FHL3: variants seen among roughly 807,000 people sequenced by gnomAD.
The protein encoded by FHL3 is four and a half LIM domains protein 3.
In FHL3, 21 loss-of-function variants were observed where a neutral mutation model predicts 34.3. The ratio of observed to expected loss-of-function variants is 0.61; its 90% confidence interval spans 0.43 to 0.88. The LOEUF (loss-of-function observed/expected upper bound fraction) is 0.88, where lower values mean the gene tolerates loss of function less well. Ranked by LOEUF, FHL3 falls within the 40% of genes least tolerant of loss-of-function variation. The pLI, the probability that FHL3 is intolerant of heterozygous loss-of-function variation, is 0.00. For synonymous variants in FHL3, 137 were observed against 144.6 expected, an observed-to-expected ratio of 0.95 and a Z score of 0.38; for missense variants, 333 against 373.7, an observed-to-expected ratio of 0.89 and a Z score of 0.90.
chr1:37,998,737 C>T, intron 3 of FHL3: 5 of 548,678 alleles, frequency 9.1e-6, no homozygotes, highest in Non-Finnish European at 1.6e-5. Flanking sequence ...CTGTACTAAA[C>T]ATGCAGATAT....
At chr1:38,001,798 T>C (rs1248616309) in intron 1 of FHL3, among the ~76,000 whole-genome samples, 3 of 152,176 alleles carry the variant, frequency 2.0e-5, no homozygotes, top group Non-Finnish European at 4.4e-5. Flanking sequence ...ACTGCGTAAC[T>C]GGCTATGGTG....
intron 3 of FHL3, among the ~76,000 whole-genome samples, 185 bp from the exon 4 acceptor site, chr1:37,998,317 T>G (rs1305808368): frequency 6.6e-6 from 1 of 152,020 alleles, no homozygotes; most frequent in African/African-American, 2.4e-5. Context: ...ACACCGGACA[T>G]GATGACCCAG....
At position 37,996,826 on chromosome 1, in the gene FHL3, C is replaced by T. The variant is rs1256601094; in HGVS notation, c.*579G>A. On this transcript the variant is annotated 3_prime_UTR_variant, in exon 6 of 6. Transcript: ENST00000373016. ...AGGGGGATGAGCCAATCTCACCCCTCTGCCCATCTATGGGCAAAATGGAGC... is the reference window on the plus strand; with the variant it reads ...AGGGGGATGAGCCAATCTCACCCCTTTGCCCATCTATGGGCAAAATGGAGC... 6.5e-6 allele frequency: 1 copy of T among 153,798 alleles called. No individual in the cohort carries two copies. The highest frequency in any genetic ancestry group is 1.5e-5 in the Non-Finnish European group (1 of 68,944). The allele number at this position is 153,798 out of a possible 1,614,324, so 9.5% of individuals were successfully genotyped here.
rs1000649837 is a variant in FHL3, at chr1:37,997,564, A to C, written c.689-5T>G. 1 of 1,613,208 alleles carries C rather than the reference A, an allele frequency of 6.2e-7. No homozygotes were observed. The highest frequency in any genetic ancestry group is 2.2e-5 in the East Asian group (1 of 44,840). On this transcript the variant is annotated splice_region_variant and splice_polypyrimidine_tract_variant and intron_variant, in intron 5 of 5. Coordinates refer to ENST00000373016, the MANE Select transcript of FHL3 (RefSeq NM_004468.5). This position sits in a 1 kb window ranked among gnomAD's most constrained non-coding sequence, Gnocchi z 4.3. ...CATACTTGCCTCCACCGAGTCCTGG[A>C]GGGAGGCTGGAAGTTAGCTATGCAG... is the stretch of plus-strand genomic sequence containing the variant.
Position 37,997,226 on chromosome 1 carries a change from T to A in FHL3, c.*179A>T, listed in dbSNP as rs4274021. On this transcript the variant is annotated 3_prime_UTR_variant, in exon 6 of 6. Transcript: ENST00000373016. The surrounding 1 kb of genome is among the most constrained non-coding windows in gnomAD (Gnocchi z 4.3). ...CATGGAGGCTCTGTAAGAGCCCAGG[T>A]TTGGGGCCCTGGGTCAGGGAGTACC... 621,501 of 653,198 alleles carry A rather than the reference T, an allele frequency of 0.95. 296,075 individuals carry two copies. Among genetic ancestry groups the A allele is most frequent in the East Asian group, 1 (37,124 of 37,154 alleles). 40.5% of individuals were successfully genotyped at this position (653,198 alleles called of 1,614,324 possible). A position where few individuals can be genotyped will look rare whatever the true frequency, so the allele number is the denominator to read the frequency against.
intron 3 of FHL3, 44 bp downstream of exon 3, chr1:37,998,930 C>T (rs537989468): frequency 2.8e-5 from 44 of 1,593,022 alleles, no homozygotes; most frequent in Middle Eastern, 3.3e-4. Flanking sequence ...AAAGACCCTA[C>T]GCAGATGCCA....
chr1:38,004,002 C>G (rs1234034292), intron 1 of FHL3, among the ~76,000 whole-genome samples: 1 of 152,060 alleles, frequency 6.6e-6, no homozygotes, highest in Non-Finnish European at 1.5e-5. Context: ...CCAGGTCCCA[C>G]AGCTGTGAGT....
chr1:38,001,890 T>C (rs1646599193), intron 1 of FHL3, among the ~76,000 whole-genome samples: 1 of 152,202 alleles, frequency 6.6e-6, no homozygotes, highest in South Asian at 2.1e-4. Context: ...TCCCTAAGCC[T>C]GTTTTCCCAT....
In FHL3 at chr1:37,997,468, G is replaced by C. The variant is rs1646545900; in HGVS notation, c.780C>G (p.Gly260=). 1 of 1,614,078 alleles carries C rather than the reference G, an allele frequency of 6.2e-7. No individual in the cohort carries two copies. The highest frequency in any genetic ancestry group is 2.2e-5 in the East Asian group (1 of 44,864). ...GGTCTCCATCCGGTACGAAGCCCTG[G>C]CCCACCAGGGAGGTAGAGCAGCGGG... ...SCARCSTSLV[G]QGFVPDGDQV... is the part of the protein sequence containing the mutation. Residue 260 remains glycine (G), a synonymous_variant, in exon 6 of 6, where the codon GGC becomes GGG. Transcript: ENST00000373016. The surrounding 1 kb of genome is among the most constrained non-coding windows in gnomAD (Gnocchi z 4.3).
At chr1:38,002,514 A>G (rs145155386) in intron 1 of FHL3, among the ~76,000 whole-genome samples, 1 of 149,704 alleles carries the variant, frequency 6.7e-6, no homozygotes, top group Non-Finnish European at 1.5e-5. Flanking sequence ...GATTACAGGC[A>G]TGAGCCACAG....
Position 37,997,274 on chromosome 1 carries a change from G to T in FHL3, c.*131C>A. On this transcript the variant is annotated 3_prime_UTR_variant, in exon 6 of 6. Transcript: ENST00000373016. This position sits in a 1 kb window ranked among gnomAD's most constrained non-coding sequence, Gnocchi z 4.3. ...ACCAGTTTGGGGATGCTGGAGTGGG[G>T]AGACAATCCTGGAGCCCAGAAGGAG... 1 of 956,314 alleles carries T rather than the reference G, an allele frequency of 1.0e-6. No individual in the cohort carries two copies. Among genetic ancestry groups the T allele is most frequent in the Non-Finnish European group, 1.6e-6 (1 of 635,678 alleles). The allele number at this position is 956,314 out of a possible 1,614,324, so 59.2% of individuals were successfully genotyped here.
At chr1:38,003,057 C>T (rs1262393717) in intron 1 of FHL3, among the ~76,000 whole-genome samples, 4 of 151,976 alleles carry the variant, frequency 2.6e-5, no homozygotes, top group South Asian at 2.1e-4. Flanking sequence ...ACTCAGGAGG[C>T]TGAGGCAGGA....
chr1:38,002,363 G>C (rs570834291), intron 1 of FHL3, among the ~76,000 whole-genome samples: 2 of 149,810 alleles, frequency 1.3e-5, no homozygotes, highest in African/African-American at 4.8e-5. Context: ...CTCCCAAAGT[G>C]CTGGGATTAC....
intron 1 of FHL3, among the ~76,000 whole-genome samples, chr1:38,003,695 C>A (rs1313432835): frequency 1.3e-5 from 2 of 152,160 alleles, no homozygotes; most frequent in African/African-American, 4.8e-5. Context: ...CACAAGGAGG[C>A]CAGGAATAGA....
Position 37,997,064 on chromosome 1 carries a change from G to C in FHL3, c.*341C>G, listed in dbSNP as rs929504925. On this transcript the variant is annotated 3_prime_UTR_variant, in exon 6 of 6. Coordinates refer to ENST00000373016, the MANE Select transcript of FHL3 (RefSeq NM_004468.5). The surrounding 1 kb of genome is among the most constrained non-coding windows in gnomAD (Gnocchi z 4.3). ...CTATAAAGAGAAGTCTAGATTTAAG[G>C]GGGCCTAAGTCCCAGAGTCCAGGTT... 1.3e-5 allele frequency: 3 copies of C among 223,690 alleles called. No homozygotes were observed. The highest frequency in any genetic ancestry group is 6.9e-5 in the African/African-American group (3 of 43,430). 13.9% of individuals were successfully genotyped at this position (223,690 alleles called of 1,614,324 possible).
At chr1:37,998,674 A>G (rs1005020523) in intron 3 of FHL3, 4 of 414,458 alleles carry the variant, frequency 9.7e-6, no homozygotes, top group Non-Finnish European at 1.3e-5. Context: ...TTCTGCATAC[A>G]TTAAGACCCA....
intron 1 of FHL3, among the ~76,000 whole-genome samples, chr1:38,002,815 T>G (rs1233903182): frequency 6.6e-6 from 1 of 151,790 alleles, no homozygotes; most frequent in Non-Finnish European, 1.5e-5. Flanking sequence ...CTCACTCTGT[T>G]GCCAGGGCTG....
intron 1 of FHL3, among the ~76,000 whole-genome samples, chr1:38,003,818 G>A (rs976465980): frequency 6.6e-6 from 1 of 152,176 alleles, no homozygotes; most frequent in African/African-American, 2.4e-5. Flanking sequence ...GGTGACATGG[G>A]GGTGGTCAGT....
chr1:38,005,224 G>A (rs1311814598), intron 1 of FHL3, 133 bp downstream of exon 1: 1 of 151,718 alleles, frequency 6.6e-6, no homozygotes, highest in East Asian at 1.9e-4. Flanking sequence ...CCGGGCACCC[G>A]TGGCCAGAGC....
Sources: gnomAD v4.1 joint callset for allele counts (sites outside exome capture counted in the v4.1 genomes callset) on GRCh38, gnomAD v4.1.1 for gene constraint, Gnocchi (gnomAD v3.1) non-coding constraint, MANE v1.5 for transcripts, NCBI Gene and HGNC (gene_info 2026-07-23, HGNC 2026-07-21) for gene names.